The following SYT9 variants were observed in gnomAD, a reference collection of about 807,000 sequenced individuals.
SYT9 encodes synaptotagmin-9.
In SYT9, 22 loss-of-function variants were observed where a neutral mutation model predicts 48.4. That is an observed-to-expected ratio of 0.45 (90% CI 0.32 to 0.65). The LOEUF (loss-of-function observed/expected upper bound fraction) is 0.65. Ranked by LOEUF, SYT9 falls within the 30% of genes least tolerant of loss-of-function variation. SYT9 has a pLI of 0.03. For missense variants in SYT9, 577 were observed against 622.0 expected, an observed-to-expected ratio of 0.93 and a Z score of 0.77; for synonymous variants, 265 against 245.0, an observed-to-expected ratio of 1.08 and a Z score of -0.76.
chr11:7,435,378 C>T, intron 6 of SYT9: 1 of 152,288 alleles, frequency 6.6e-6, no homozygotes, highest in Non-Finnish European at 1.5e-5. Context: ...CCCAGATGTT[C>T]CTCTTATTGC....
chr11:7,307,847 G>A (rs1209173547), intron 2 of SYT9, among the ~76,000 whole-genome samples: 3 of 152,258 alleles, frequency 2.0e-5, no homozygotes, highest in Non-Finnish European at 4.4e-5. Context: ...GGAGGATAAA[G>A]TATTCAAGGT....
rs1847085675 is a variant in SYT9, at chr11:7,409,184, T to C, written c.1045-6858T>C. Among the ~76,000 whole-genome samples, 3 of 152,228 alleles carry C rather than the reference T, an allele frequency of 2.0e-5. No individual in the cohort carries two copies. In the South Asian group the frequency reaches 6.2e-4, roughly 32 times the overall value. Reference sequence around the variant, plus strand: ...CATATGATTTTTGTCCTTGATTTTGTTTATGTGATGTATCACATTTATTGA... The same window carrying C: ...CATATGATTTTTGTCCTTGATTTTGCTTATGTGATGTATCACATTTATTGA... On this transcript the variant is annotated intron_variant, in intron 3 of 6. Transcript: ENST00000318881.
chr11:7,334,806 TTAA>T (rs1241244810), intron 3 of SYT9, among the ~76,000 whole-genome samples: 1 of 152,232 alleles, frequency 6.6e-6, no homozygotes, highest in Non-Finnish European at 1.5e-5. Context: ...GTTGTATGTA[TTAA>T]TAATTCAATC....
intron 3 of SYT9, among the ~76,000 whole-genome samples, chr11:7,369,156 C>A (rs1263915693): frequency 6.6e-6 from 1 of 152,144 alleles, no homozygotes; most frequent in Admixed American, 6.5e-5. Context: ...TGTTTCCTGA[C>A]TTTTTAATAA....
intron 3 of SYT9, among the ~76,000 whole-genome samples, chr11:7,352,350 C>G (rs1183697818): frequency 6.6e-6 from 1 of 151,698 alleles, no homozygotes; most frequent in East Asian, 2.0e-4. Flanking sequence ...GTTTGCACAC[C>G]TGTCCCCAAT....
intron 3 of SYT9, among the ~76,000 whole-genome samples, chr11:7,381,833 C>G (rs1251173686): frequency 6.6e-6 from 1 of 152,118 alleles, no homozygotes; most frequent in South Asian, 2.1e-4. Context: ...ATTATCAATC[C>G]CATCTGCCAC....
chr11:7,322,338 C>T (rs1849352021), intron 3 of SYT9, among the ~76,000 whole-genome samples: 1 of 152,146 alleles, frequency 6.6e-6, no homozygotes, highest in Non-Finnish European at 1.5e-5. Flanking sequence ...AAGGGACAAG[C>T]AACTCGAAAA....
chr11:7,376,216 A>G (rs1442032137), intron 3 of SYT9, among the ~76,000 whole-genome samples: 2 of 152,014 alleles, frequency 1.3e-5, no homozygotes, highest in Non-Finnish European at 1.5e-5. Flanking sequence ...TATTTAATAA[A>G]TGAATGAAAA....
At chr11:7,354,566 A>G (rs1849980920) in intron 3 of SYT9, among the ~76,000 whole-genome samples, 1 of 152,076 alleles carries the variant, frequency 6.6e-6, no homozygotes, top group Admixed American at 6.6e-5. Context: ...CCTTCCTTTA[A>G]TCTGACATGT....
At chr11:7,334,253 C>A (rs1156870537) in intron 3 of SYT9, among the ~76,000 whole-genome samples, 3 of 152,132 alleles carry the variant, frequency 2.0e-5, no homozygotes, top group East Asian at 3.9e-4. Context: ...ATTTTTAAGA[C>A]AAGAATAAGT....
At chr11:7,387,066 C>T (rs566980859) in intron 3 of SYT9, among the ~76,000 whole-genome samples, 2 of 152,208 alleles carry the variant, frequency 1.3e-5, no homozygotes, top group East Asian at 1.9e-4. Context: ...CCAAACACTG[C>T]GTGTTCTCAC....
intron 6 of SYT9, among the ~76,000 whole-genome samples, chr11:7,428,657 T>C (rs1266119029): frequency 6.6e-6 from 1 of 152,138 alleles, no homozygotes; most frequent in Non-Finnish European, 1.5e-5. Context: ...GAACAACCTA[T>C]TGATAAGACA....
intron 3 of SYT9, among the ~76,000 whole-genome samples, chr11:7,399,660 G>GC (rs1020047230): frequency 1.4e-4 from 22 of 152,192 alleles, no homozygotes; most frequent in African/African-American, 5.1e-4. Flanking sequence ...TGGTGTTATT[G>GC]CCCCAGCAAG....
chr11:7,358,245 G>C (rs1043191998), intron 3 of SYT9, among the ~76,000 whole-genome samples: 2 of 152,036 alleles, frequency 1.3e-5, no homozygotes, highest in East Asian at 3.8e-4. Context: ...TATAGTTTTA[G>C]ATGCTAGCAT....
chr11:7,316,282 T>C (rs2076814), intron 3 of SYT9, among the ~76,000 whole-genome samples: 30,040 of 151,988 alleles, frequency 0.2, 3,489 homozygotes, highest in Non-Finnish European at 0.26. Context: ...CTCAGTCCAG[T>C]CCTGCCAAGA....
chr11:7,368,671 C>T (rs1376385794), intron 3 of SYT9, among the ~76,000 whole-genome samples: 2 of 152,146 alleles, frequency 1.3e-5, no homozygotes, highest in African/African-American at 4.8e-5. Context: ...CAGCTTCACC[C>T]ATGTCCCTGC....
chr11:7,278,961 C>T (rs753890319), intron 1 of SYT9, among the ~76,000 whole-genome samples: 1 of 152,122 alleles, frequency 6.6e-6, no homozygotes, highest in Non-Finnish European at 1.5e-5. Context: ...TTGGAAACAT[C>T]TAGAGAATAG....
intron 6 of SYT9, among the ~76,000 whole-genome samples, chr11:7,460,420 T>A (rs1034054210): frequency 6.6e-6 from 1 of 152,142 alleles, no homozygotes; most frequent in Non-Finnish European, 1.5e-5. Context: ...TAACTACATT[T>A]CTGTGAATAT....
intron 6 of SYT9, among the ~76,000 whole-genome samples, chr11:7,426,779 G>T (rs914839436): frequency 6.6e-6 from 1 of 152,042 alleles, no homozygotes; most frequent in African/African-American, 2.4e-5. Flanking sequence ...ATATATCTTA[G>T]CATGATTTCC....
Sources: allele counts gnomAD v4.1 joint callset (sites outside exome capture counted in the v4.1 genomes callset), GRCh38; gene constraint gnomAD v4.1.1; transcripts MANE v1.5; gene names NCBI Gene and HGNC (gene_info 2026-07-23, HGNC 2026-07-21).